Variants in KDM4B observed in about 807,000 individuals in gnomAD.
KDM4B encodes the protein lysine demethylase 4B, also known as lysine-specific demethylase 4B.
A neutral mutation model predicts 125.2 loss-of-function variants in KDM4B; 32 were observed. That is an observed-to-expected ratio of 0.26 (90% CI 0.19 to 0.34). The LOEUF is 0.34. Ranked by LOEUF, KDM4B falls within the 10% of genes least tolerant of loss-of-function variation. KDM4B has a pLI of 1.00. For missense variants in KDM4B, 1,190 were observed against 1,577.7 expected (o/e 0.75, Z 4.16); for synonymous variants, 721 against 677.9 (o/e 1.06, Z -0.99).
At chr19:5,085,739 G>C (rs2038469794) in intron 9 of KDM4B, among the ~76,000 whole-genome samples, 1 of 152,234 alleles carries the variant, frequency 6.6e-6, no homozygotes, top group African/African-American at 2.4e-5. Flanking sequence ...GGCGGCGAGG[G>C]CCTTACGCAG....
At chr19:5,068,776 C>T (rs966905435) in intron 6 of KDM4B, among the ~76,000 whole-genome samples, 5 of 152,240 alleles carry the variant, frequency 3.3e-5, no homozygotes, top group African/African-American at 4.8e-5. Context: ...CTCCTCTGAA[C>T]GCTGGGCCTG....
At chr19:5,111,741 G>A in intron 10 of KDM4B, 1 of 764,782 alleles carries the variant, frequency 1.3e-6, no homozygotes, top group Non-Finnish European at 2.4e-6. Context: ...GGAAGGGCCA[G>A]AGAGCAAACA....
At chr19:5,126,814 C>G (rs139036923) in intron 11 of KDM4B, among the ~76,000 whole-genome samples, 1 of 152,230 alleles carries the variant, frequency 6.6e-6, no homozygotes, top group Non-Finnish European at 1.5e-5. Context: ...GCCCCTGAGA[C>G]CGGGGCTGGT....
chr19:4,975,690 T>C (rs59937036), intron 1 of KDM4B, among the ~76,000 whole-genome samples: 1 of 151,404 alleles, frequency 6.6e-6, no homozygotes, highest in Admixed American at 6.6e-5. Flanking sequence ...CCTCCCGGAT[T>C]CAAGCGATTC....
chr19:5,061,841 C>A (rs201716932), intron 6 of KDM4B, among the ~76,000 whole-genome samples: 22 of 147,448 alleles, frequency 1.5e-4, no homozygotes, highest in South Asian at 1.3e-3. Flanking sequence ...AAAAAAAAAA[C>A]AAAAAACAAC....
rs937063647 is a variant in KDM4B, at chr19:4,997,663, C to G, written c.-108-18594C>G. ...GTGGGCTGGTCAGCCATGCCAGGCA[C>G]TCAGAGTCATCCCTGCCTCCTCGAG... On this transcript the variant is annotated intron_variant, in intron 1 of 22. Coordinates refer to ENST00000159111, the MANE Select transcript of KDM4B (RefSeq NM_015015.3). The surrounding 1 kb of genome is among the most constrained non-coding windows in gnomAD (Gnocchi z 4.2). Among the ~76,000 whole-genome samples the G allele has an allele frequency of 2.6e-5, 4 of 152,172 alleles. No individual in the cohort carries two copies. The highest frequency in any genetic ancestry group is 9.7e-5 in the African/African-American group (4 of 41,424).
At chr19:5,105,928 TG>T (rs893207352) in intron 9 of KDM4B, among the ~76,000 whole-genome samples, 1 of 152,246 alleles carries the variant, frequency 6.6e-6, no homozygotes, top group African/African-American at 2.4e-5. Context: ...ATGTGGCCCA[TG>T]GGCCCACCTT....
intron 9 of KDM4B, among the ~76,000 whole-genome samples, chr19:5,089,227 T>C (rs2038609593): frequency 6.6e-6 from 1 of 152,112 alleles, no homozygotes; most frequent in Non-Finnish European, 1.5e-5. Flanking sequence ...CCAGATCAGC[T>C]CTCAGCAAAT....
At chr19:5,092,962 C>T (rs2038742115) in intron 9 of KDM4B, among the ~76,000 whole-genome samples, 1 of 152,166 alleles carries the variant, frequency 6.6e-6, no homozygotes, top group South Asian at 2.1e-4. Context: ...CATGTCCTCT[C>T]CCCACCCAAG....
At chr19:5,075,509 A>T (rs1289099723) in intron 7 of KDM4B, 1 of 151,968 alleles carries the variant, frequency 6.6e-6, no homozygotes, top group East Asian at 1.9e-4. Context: ...GGGTCTTGTG[A>T]TGTTGGCCAG....
At chr19:5,088,290 A>G (rs2038571906) in intron 9 of KDM4B, among the ~76,000 whole-genome samples, 1 of 152,210 alleles carries the variant, frequency 6.6e-6, no homozygotes, top group African/African-American at 2.4e-5. Flanking sequence ...GCTCACATCC[A>G]GCTCTTAGCG....
rs1366825027 is a variant in KDM4B, at chr19:4,997,811, A to G, written c.-108-18446A>G. Among the ~76,000 whole-genome samples, 5 of 152,250 alleles carry G rather than the reference A, an allele frequency of 3.3e-5. No homozygotes were observed. The South Asian group carries it at 8.3e-4, about 25-fold the overall frequency. ...GTTCCAAAGGCCGCAGGCCCCAGAA[A>G]GACGGTGACACTCCAGGAGGTTGCT... is the stretch of plus-strand genomic sequence containing the variant. On this transcript the variant is annotated intron_variant, in intron 1 of 22. Coordinates refer to ENST00000159111, the MANE Select transcript of KDM4B (RefSeq NM_015015.3). The surrounding 1 kb of genome is among the most constrained non-coding windows in gnomAD (Gnocchi z 4.2).
chr19:5,036,229 G>C (rs1233035446), intron 3 of KDM4B, among the ~76,000 whole-genome samples: 1 of 152,220 alleles, frequency 6.6e-6, no homozygotes, highest in African/African-American at 2.4e-5. Flanking sequence ...GTATGTGTGT[G>C]GTGGGGGAGC....
At position 5,151,416 on chromosome 19, in the gene KDM4B, C is replaced by G; in HGVS notation, c.3196C>G (p.Pro1066Ala). The stretch of plus-strand genomic sequence containing the variant: ...CGCCAAGCGCCCGCGTGTGGGCACC[C>G]CGCTTGCCACGGAGGACTCCGGGCG... ...KAAKRPRVGT[P>A]LATEDSGRSQ... Residue 1066 changes from proline (P) to alanine (A), a missense_variant, in exon 23 of 23, where the codon CCG (proline) becomes GCG (alanine). By Grantham distance (27) the Pro-to-Ala change is conservative. Transcript: ENST00000159111. The G allele has an allele frequency of 1.3e-6, 2 of 1,576,502 alleles. No individual in the cohort carries two copies. The highest frequency in any genetic ancestry group is 1.7e-6 in the Non-Finnish European group (2 of 1,163,982).
At chr19:5,145,931 C>T (rs2039833707) in intron 21 of KDM4B, among the ~76,000 whole-genome samples, 3 of 152,208 alleles carry the variant, frequency 2.0e-5, no homozygotes, top group South Asian at 2.1e-4. Context: ...CTAACCCCTG[C>T]GATGGTCCCG....
chr19:5,102,002 C>T (rs555929227), intron 9 of KDM4B, among the ~76,000 whole-genome samples: 56 of 152,310 alleles, frequency 3.7e-4, no homozygotes, highest in African/African-American at 1.1e-3. Flanking sequence ...GGCAGGCGGC[C>T]GCCAGGGTGC....
chr19:5,025,139 C>G (rs921027487), intron 2 of KDM4B, among the ~76,000 whole-genome samples: 1 of 152,160 alleles, frequency 6.6e-6, no homozygotes, highest in Non-Finnish European at 1.5e-5. Context: ...GGTTAAGCGG[C>G]TTTCATGGTA....
chr19:4,976,712 G>A (rs911242486), intron 1 of KDM4B, among the ~76,000 whole-genome samples: 1 of 152,234 alleles, frequency 6.6e-6, no homozygotes, highest in African/African-American at 2.4e-5. Context: ...GGCTTATCCA[G>A]TGCAGAGCTC....
chr19:4,995,892 T>C (rs2035184768), intron 1 of KDM4B, among the ~76,000 whole-genome samples: 2 of 152,256 alleles, frequency 1.3e-5, no homozygotes, highest in African/African-American at 4.8e-5. Flanking sequence ...GTGTCACGCG[T>C]AGATCTTTGC....
Sources: gnomAD v4.1 joint callset for allele counts (sites outside exome capture counted in the v4.1 genomes callset) on GRCh38, gnomAD v4.1.1 for gene constraint, Gnocchi (gnomAD v3.1) non-coding constraint, MANE v1.5 for transcripts, NCBI Gene and HGNC (gene_info 2026-07-23, HGNC 2026-07-21) for gene names.